RTN1: variants seen among roughly 807,000 people sequenced by gnomAD.
The protein encoded by RTN1 is reticulon 1.
RTN1 carries 25 observed loss-of-function variants against 65.5 expected under a neutral mutation model. The ratio of observed to expected loss-of-function variants is 0.38; its 90% confidence interval spans 0.28 to 0.53. The LOEUF (loss-of-function observed/expected upper bound fraction) is 0.53. Among genes scored for constraint, RTN1 ranks in the 20% least tolerant of loss-of-function variants. The pLI is 0.79. For missense variants in RTN1, 983 were observed against 1,025.4 expected (o/e 0.96, Z 0.57); for synonymous variants, 471 against 447.6 (o/e 1.05, Z -0.66).
At chr14:59,692,200 G>C (rs1345100801) in intron 3 of RTN1, among the ~76,000 whole-genome samples, 1 of 152,136 alleles carries the variant, frequency 6.6e-6, no homozygotes, top group Non-Finnish European at 1.5e-5. Flanking sequence ...TCTGCCAAAA[G>C]ACTTCTGGAA....
chr14:59,727,326 A>G lies in RTN1; in HGVS notation c.1358T>C (p.Ile453Thr). The G allele has an allele frequency of 6.6e-7, 1 of 1,506,436 alleles. No homozygotes were observed. Among genetic ancestry groups the G allele is most frequent in the Non-Finnish European group, 8.9e-7 (1 of 1,126,238 alleles). 93.3% of individuals were successfully genotyped at this position (1,506,436 alleles called of 1,614,324 possible). The change falls in exon 3 of 9, where the codon ATC becomes ACC. Residue 453 changes from isoleucine (I) to threonine (T), a missense_variant. By Grantham distance (89) the Ile-to-Thr change is moderately conservative. Around this residue, in one of 2 missense-constraint regions of RTN1, gnomAD observed 818 missense variants for 801.8 expected, o/e 1.02. Transcript: ENST00000267484. The surrounding 1 kb of genome is among the most constrained non-coding windows in gnomAD (Gnocchi z 4.2). Reference sequence around the variant, plus strand: ...CTCGGCCTCGCGCTCCTCCCTCAGGATGCTGTACTGGATGGATGGCGAGGC... The same window carrying G: ...CTCGGCCTCGCGCTCCTCCCTCAGGGTGCTGTACTGGATGGATGGCGAGGC... ...SPASPSIQYS[I>T]LREEREAELD... is the part of the protein sequence containing the mutation.
intron 1 of RTN1, among the ~76,000 whole-genome samples, chr14:59,827,642 C>T (rs542413499): frequency 6.6e-6 from 1 of 152,242 alleles, no homozygotes; most frequent in South Asian, 2.1e-4. Context: ...AAGCCCTGTC[C>T]CAGGAGAAAT....
At chr14:59,855,365 G>A (rs746313635) in intron 1 of RTN1, among the ~76,000 whole-genome samples, 18 of 151,990 alleles carry the variant, frequency 1.2e-4, no homozygotes, top group South Asian at 2.1e-4. Context: ...AAATTATCTC[G>A]ATTACTGTGT....
At chr14:59,827,477 C>G (rs1366591046) in intron 1 of RTN1, among the ~76,000 whole-genome samples, 1 of 152,140 alleles carries the variant, frequency 6.6e-6, no homozygotes, top group Non-Finnish European at 1.5e-5. Context: ...GTGGGCAGAT[C>G]ATTTTATTTT....
intron 1 of RTN1, among the ~76,000 whole-genome samples, chr14:59,764,849 A>T (rs192198507): frequency 8.9e-4 from 135 of 152,296 alleles, no homozygotes; most frequent in Admixed American, 2.0e-3. Context: ...ACATTTCAGT[A>T]TATAAGGATC....
At chr14:59,795,607 A>G (rs1175113326) in intron 1 of RTN1, among the ~76,000 whole-genome samples, 1 of 152,204 alleles carries the variant, frequency 6.6e-6, no homozygotes, top group African/African-American at 2.4e-5. Flanking sequence ...GTTCATCTAC[A>G]TATTTATTGT....
intron 1 of RTN1, among the ~76,000 whole-genome samples, chr14:59,851,935 G>T (rs1243204365): frequency 1.3e-5 from 2 of 151,586 alleles, no homozygotes; most frequent in African/African-American, 4.8e-5. Flanking sequence ...AAACAGAACT[G>T]CTCGGTTTTA....
intron 1 of RTN1, among the ~76,000 whole-genome samples, chr14:59,795,901 T>C (rs1388596050): frequency 1.3e-5 from 2 of 152,160 alleles, no homozygotes; most frequent in African/African-American, 4.8e-5. Context: ...ATGGCCAGAA[T>C]TGGGCTTTAT....
At chr14:59,708,318 G>A (rs1018043733) in intron 3 of RTN1, among the ~76,000 whole-genome samples, 7 of 152,230 alleles carry the variant, frequency 4.6e-5, no homozygotes, top group African/African-American at 1.7e-4. Flanking sequence ...GCAACCCTCA[G>A]ACAGACATTT....
intron 3 of RTN1, chr14:59,630,869 AAG>A (rs1882537527): frequency 6.3e-5 from 63 of 992,584 alleles, no homozygotes; most frequent in Non-Finnish European, 7.3e-5. Flanking sequence ...GGAGGGGAAA[AAG>A]GGCTGACGGT....
At chr14:59,618,017 T>C (rs1594634725) in intron 3 of RTN1, among the ~76,000 whole-genome samples, 1 of 152,218 alleles carries the variant, frequency 6.6e-6, no homozygotes. Flanking sequence ...TGCAAAATTA[T>C]GACCGAGACA....
At chr14:59,814,306 C>T (rs942217426) in intron 1 of RTN1, among the ~76,000 whole-genome samples, 4 of 152,156 alleles carry the variant, frequency 2.6e-5, no homozygotes, top group East Asian at 1.9e-4. Context: ...TCACGGCAGA[C>T]GCTGAAAGTT....
chr14:59,740,329 G>A (rs1885091925), intron 2 of RTN1, among the ~76,000 whole-genome samples: 1 of 152,194 alleles, frequency 6.6e-6, no homozygotes, highest in Non-Finnish European at 1.5e-5. Flanking sequence ...CTTAGTAGAA[G>A]TAGGTCTGGA....
intron 1 of RTN1, among the ~76,000 whole-genome samples, chr14:59,784,067 A>G (rs546892606): frequency 6.6e-6 from 1 of 152,148 alleles, no homozygotes; most frequent in African/African-American, 2.4e-5. Flanking sequence ...CTATTAGGTC[A>G]TTTGTCTTTT....
At position 59,790,899 on chromosome 14, in the gene RTN1, A is replaced by G. The variant is rs1325101143; in HGVS notation, c.242-44418T>C. Among the ~76,000 whole-genome samples the G allele has an allele frequency of 6.6e-6, 1 of 151,990 alleles. No homozygotes were observed. Among genetic ancestry groups the G allele is most frequent in the Non-Finnish European group, 1.5e-5 (1 of 67,978 alleles). The stretch of plus-strand genomic sequence containing the variant: ...TTATTTGAAGCCTTTCTTCCAAGTC[A>G]TTATTTCAGGTTTTCTTCATGCCTA... On this transcript the variant is annotated intron_variant, in intron 1 of 8. Transcript: ENST00000267484. The surrounding 1 kb of genome is among the most constrained non-coding windows in gnomAD (Gnocchi z 4.1).
At chr14:59,663,332 A>G (rs1012939055) in intron 3 of RTN1, among the ~76,000 whole-genome samples, 6 of 152,158 alleles carry the variant, frequency 3.9e-5, no homozygotes, top group African/African-American at 1.4e-4. Context: ...AACCTAGGAC[A>G]TAGGCTTGGG....
At chr14:59,703,961 A>G (rs1262397238) in intron 3 of RTN1, among the ~76,000 whole-genome samples, 1 of 152,240 alleles carries the variant, frequency 6.6e-6, no homozygotes, top group Non-Finnish European at 1.5e-5. Flanking sequence ...CTCCTGGAAA[A>G]ACAAAGGTGA....
intron 3 of RTN1, among the ~76,000 whole-genome samples, chr14:59,715,809 G>C (rs1214691405): frequency 6.9e-6 from 1 of 145,732 alleles, no homozygotes; most frequent in East Asian, 2.0e-4. Context: ...CTGGGCAACA[G>C]AGTGAGACTC....
At chr14:59,860,513 A>G (rs34432692) in intron 1 of RTN1, among the ~76,000 whole-genome samples, 33,697 of 152,088 alleles carry the variant, frequency 0.22, 4,213 homozygotes, top group East Asian at 0.56. Flanking sequence ...CCCCACACAG[A>G]CTCCCTACTG....
Sources: gnomAD v4.1 joint callset for allele counts (sites outside exome capture counted in the v4.1 genomes callset) on GRCh38, gnomAD v4.1.1 for gene constraint, gnomAD v4.1.1 regional missense constraint, Gnocchi (gnomAD v3.1) non-coding constraint, MANE v1.5 for transcripts, NCBI Gene and HGNC (gene_info 2026-07-23, HGNC 2026-07-21) for gene names.